CLSTN2: variants seen among roughly 807,000 people sequenced by gnomAD.
CLSTN2 encodes the protein calsyntenin 2, also known as calsyntenin-2.
Under a neutral mutation model 101.2 loss-of-function variants are expected in CLSTN2, and 48 were observed. That is an observed-to-expected ratio of 0.47 (90% CI 0.38 to 0.60). The LOEUF is 0.60. Ranked by LOEUF, CLSTN2 falls within the 20% of genes least tolerant of loss-of-function variation. CLSTN2 has a pLI of 0.00. For synonymous variants in CLSTN2, 481 were observed against 463.6 expected (o/e 1.04, Z -0.48); for missense variants, 1,160 against 1,238.2 (o/e 0.94, Z 0.95).
At chr3:139,980,803 G>A (rs778576539) in intron 1 of CLSTN2, among the ~76,000 whole-genome samples, 14 of 152,076 alleles carry the variant, frequency 9.2e-5, no homozygotes, top group Non-Finnish European at 1.9e-4. Context: ...ACCCACTGTG[G>A]GCAGAGCACT....
intron 1 of CLSTN2, among the ~76,000 whole-genome samples, chr3:140,109,598 A>G (rs773727131): frequency 6.6e-6 from 1 of 152,150 alleles, no homozygotes; most frequent in African/African-American, 2.4e-5. Context: ...GAGCTTTGGA[A>G]GTCCCCATAA....
chr3:140,541,477 T>C (rs971110245), intron 9 of CLSTN2, among the ~76,000 whole-genome samples: 1 of 152,214 alleles, frequency 6.6e-6, no homozygotes, highest in South Asian at 2.1e-4. Flanking sequence ...AACTTTTCCA[T>C]GCATTGTGGA....
chr3:140,104,137 TAGTG>T (rs558667599), intron 1 of CLSTN2, among the ~76,000 whole-genome samples: 96 of 152,354 alleles, frequency 6.3e-4, no homozygotes, highest in Middle Eastern at 6.8e-3. Flanking sequence ...ATCATGCAGT[TAGTG>T]AGGATATCTT....
intron 1 of CLSTN2, among the ~76,000 whole-genome samples, chr3:140,165,729 G>A (rs936977512): frequency 1.3e-5 from 2 of 152,006 alleles, no homozygotes; most frequent in African/African-American, 4.8e-5. Flanking sequence ...GTGGGGGAAG[G>A]GCAGAATCAG....
At chr3:140,035,467 C>A (rs547472252) in intron 1 of CLSTN2, among the ~76,000 whole-genome samples, 2 of 152,206 alleles carry the variant, frequency 1.3e-5, no homozygotes, top group African/African-American at 4.8e-5. Flanking sequence ...GCACAAAAGG[C>A]AAAAGAGCAT....
chr3:140,210,926 G>A (rs754122650), intron 2 of CLSTN2, among the ~76,000 whole-genome samples: 17 of 152,106 alleles, frequency 1.1e-4, no homozygotes, highest in Admixed American at 1.1e-3. Context: ...TTGGGTCTTC[G>A]ATTCATAGTT....
At chr3:140,211,995 C>A (rs1176102496) in intron 2 of CLSTN2, among the ~76,000 whole-genome samples, 2 of 152,122 alleles carry the variant, frequency 1.3e-5, no homozygotes, top group Non-Finnish European at 2.9e-5. Context: ...TTCCCTGCAC[C>A]ATCCATATTT....
intron 2 of CLSTN2, among the ~76,000 whole-genome samples, chr3:140,320,944 A>G (rs1479430061): frequency 6.6e-6 from 1 of 152,172 alleles, no homozygotes; most frequent in East Asian, 1.9e-4. Context: ...GGGACAGCAA[A>G]TAAGACCTGG....
intron 1 of CLSTN2, among the ~76,000 whole-genome samples, chr3:140,019,747 G>A: frequency 6.6e-6 from 1 of 152,110 alleles, no homozygotes; most frequent in East Asian, 1.9e-4. Flanking sequence ...ATCTGGGTGG[G>A]ATGTGGCACA....
At chr3:140,135,117 C>CACACACATAT (rs1488268767) in intron 1 of CLSTN2, among the ~76,000 whole-genome samples, 25 of 58,104 alleles carry the variant, frequency 4.3e-4, no homozygotes, top group East Asian at 9.0e-4. Flanking sequence ...CACACACACA[C>CACACACATAT]ATATATATAT....
At chr3:140,513,039 T>C (rs1476736648) in intron 8 of CLSTN2, among the ~76,000 whole-genome samples, 1 of 152,212 alleles carries the variant, frequency 6.6e-6, no homozygotes, top group Non-Finnish European at 1.5e-5. Flanking sequence ...TTTCTAGATA[T>C]AGGGTCATGT....
chr3:140,284,064 C>T (rs2086872743), intron 2 of CLSTN2, among the ~76,000 whole-genome samples: 1 of 152,026 alleles, frequency 6.6e-6, no homozygotes. Flanking sequence ...AGAATTGATG[C>T]AATTATTGAT....
intron 2 of CLSTN2, among the ~76,000 whole-genome samples, chr3:140,297,091 A>C (rs1376650015): frequency 2.0e-5 from 3 of 152,220 alleles, no homozygotes; most frequent in African/African-American, 7.2e-5. Context: ...AGCTCTTTGG[A>C]CATTAGTCAG....
At chr3:140,101,954 A>G (rs78344982) in intron 1 of CLSTN2, among the ~76,000 whole-genome samples, 3,928 of 152,270 alleles carry the variant, frequency 0.026, 180 homozygotes, top group African/African-American at 0.088. Context: ...ATGTTTGGGG[A>G]ACATGAACTC....
chr3:140,456,112 C>G (rs58466150), intron 6 of CLSTN2, among the ~76,000 whole-genome samples: 48 of 152,340 alleles, frequency 3.2e-4, no homozygotes, highest in African/African-American at 1.2e-3. Context: ...AGAACACTAA[C>G]TGGGTATCTG....
intron 6 of CLSTN2, among the ~76,000 whole-genome samples, chr3:140,457,200 C>T (rs565853196): frequency 1.3e-5 from 2 of 152,330 alleles, no homozygotes; most frequent in South Asian, 4.1e-4. Context: ...CACATCTCTG[C>T]ACCGGGCCCT....
At chr3:140,107,260 G>A (rs534260103) in intron 1 of CLSTN2, among the ~76,000 whole-genome samples, 12 of 152,270 alleles carry the variant, frequency 7.9e-5, no homozygotes, top group African/African-American at 2.6e-4. Context: ...GTCCTTTGCG[G>A]TCTTTAATCT....
chr3:140,072,105 GC>G (rs1386545376), intron 1 of CLSTN2, among the ~76,000 whole-genome samples: 11 of 151,938 alleles, frequency 7.2e-5, no homozygotes, highest in Non-Finnish European at 1.3e-4. Flanking sequence ...GTTTGACCCA[GC>G]ATTGCCGTAT....
At chr3:139,970,030 G>A (rs1391974034) in intron 1 of CLSTN2, among the ~76,000 whole-genome samples, 1 of 152,166 alleles carries the variant, frequency 6.6e-6, no homozygotes, top group Non-Finnish European at 1.5e-5. Flanking sequence ...CCAGCCATGG[G>A]AACTTCAATT....
Sources: allele counts gnomAD v4.1 joint callset (sites outside exome capture counted in the v4.1 genomes callset), GRCh38; gene constraint gnomAD v4.1.1; transcripts MANE v1.5; gene names NCBI Gene and HGNC (gene_info 2026-07-23, HGNC 2026-07-21).